The following RASGEF1A variants were observed in gnomAD, a reference collection of about 807,000 sequenced individuals.
The protein encoded by RASGEF1A is ras-GEF domain-containing family member 1A.
In RASGEF1A, 18 loss-of-function variants were observed where a neutral mutation model predicts 56.4. The observed-to-expected ratio is 0.32, with a 90% CI of 0.22 to 0.47. The LOEUF is 0.47. Ranked by LOEUF, RASGEF1A falls within the 20% of genes least tolerant of loss-of-function variation. The pLI, the probability that RASGEF1A is intolerant of heterozygous loss-of-function variation, is 1.00. For missense variants in RASGEF1A, 422 were observed against 627.1 expected (o/e 0.67, Z 3.49); for synonymous variants, 245 against 242.6 (o/e 1.01, Z -0.09).
At position 43,197,114 on chromosome 10, in the gene RASGEF1A, A is replaced by G; in HGVS notation, c.1225-15T>C. On this transcript the variant is annotated splice_polypyrimidine_tract_variant and intron_variant, in intron 10 of 12. Coordinates refer to ENST00000395810, the MANE Select transcript of RASGEF1A (RefSeq NM_145313.4). ...TCCCAGAATTTCTGAAGGGAGCAAA[A>G]CCAACTGATGTTCATCTGTCACCTT... 1 of 1,612,740 alleles carries G rather than the reference A, an allele frequency of 6.2e-7. No individual in the cohort carries two copies. Among genetic ancestry groups the G allele is most frequent in the Non-Finnish European group, 8.5e-7 (1 of 1,179,408 alleles).
In RASGEF1A at chr10:43,196,416, G is replaced by T; in HGVS notation, c.1421+60C>A. 6.4e-7 allele frequency: 1 copy of T among 1,571,100 alleles called. No homozygotes were observed. Among genetic ancestry groups the T allele is most frequent in the Non-Finnish European group, 8.8e-7 (1 of 1,141,190 alleles). On this transcript the variant is annotated intron_variant, in intron 12 of 12. Coordinates refer to ENST00000395810, the MANE Select transcript of RASGEF1A (RefSeq NM_145313.4). This position sits in a 1 kb window ranked among gnomAD's most constrained non-coding sequence, Gnocchi z 4.6. ...CTCCCTTTCCAGGAGGGTAACCCTCGTGCCCACCCTGAGTCCTCCCTCTTC... is the reference window on the plus strand; with the variant it reads ...CTCCCTTTCCAGGAGGGTAACCCTCTTGCCCACCCTGAGTCCTCCCTCTTC...
chr10:43,202,116 C>G (rs565032087), intron 3 of RASGEF1A, among the ~76,000 whole-genome samples, 171 bp from the exon 4 acceptor site: 2 of 152,278 alleles, frequency 1.3e-5, no homozygotes, highest in African/African-American at 4.8e-5. Context: ...CCACATGACT[C>G]CTGTTTGGTT....
At chr10:43,249,062 G>A (rs1840597699) in intron 1 of RASGEF1A, among the ~76,000 whole-genome samples, 1 of 152,114 alleles carries the variant, frequency 6.6e-6, no homozygotes. Context: ...ATCCACGTAG[G>A]GAAGAACTGA....
Position 43,203,342 on chromosome 10 carries a change from T to A in RASGEF1A, c.277A>T (p.Ile93Phe), listed in dbSNP as rs1476499223. The change falls in exon 3 of 13, where the codon ATC becomes TTC. Residue 93 changes from isoleucine to phenylalanine, a missense_variant. Ile to Phe is a conservative substitution (Grantham distance 21). Around this residue, in one of 2 missense-constraint regions of RASGEF1A, gnomAD observed 273 missense variants for 339.9 expected, o/e 0.80. Transcript: ENST00000395810. ...PHDLLARVGQ[I>F]CVEQKQQLEA... ...AGCTGCTGCTTCTGCTCCACGCAGA[T>A]CTGCCCCACGCGGGCCAGCAGGTCA... 1 of 1,581,376 alleles carries A rather than the reference T, an allele frequency of 6.3e-7. No homozygotes were observed.
chr10:43,245,590 C>G (rs970923888), intron 1 of RASGEF1A, among the ~76,000 whole-genome samples: 1 of 152,106 alleles, frequency 6.6e-6, no homozygotes, highest in East Asian at 1.9e-4. Context: ...ATGACTAAGC[C>G]ATACGTATTC....
At chr10:43,258,665 G>A (rs958845260) in intron 1 of RASGEF1A, among the ~76,000 whole-genome samples, 16 of 152,224 alleles carry the variant, frequency 1.1e-4, no homozygotes, top group African/African-American at 3.9e-4. Flanking sequence ...CTGCAGGCTT[G>A]CTGGATGGAT....
At chr10:43,244,225 A>G (rs1209327907) in intron 1 of RASGEF1A, among the ~76,000 whole-genome samples, 5 of 151,946 alleles carry the variant, frequency 3.3e-5, no homozygotes, top group African/African-American at 9.7e-5. Context: ...CCTAATCTCA[A>G]GTACCCAGGG....
At position 43,266,974 on chromosome 10, in the gene RASGEF1A, C is replaced by T. The variant is rs1474690784; in HGVS notation, c.-136G>A. ...CGCGGCACCCGCCCACCCGCGGCCG[C>T]CCCCGCGCTGCGCCAGCTGCGGGCA... On this transcript the variant is annotated 5_prime_UTR_variant, in exon 1 of 13. Transcript: ENST00000395810. 4 of 146,596 alleles carry T rather than the reference C, an allele frequency of 2.7e-5. No individual in the cohort carries two copies. The highest frequency in any genetic ancestry group is 2.1e-4 in the South Asian group (1 of 4,830). The allele number at this position is 146,596 out of a possible 1,614,324, so 9.1% of individuals were successfully genotyped here.
chr10:43,229,935 G>T (rs1840340369), intron 1 of RASGEF1A, among the ~76,000 whole-genome samples: 1 of 151,942 alleles, frequency 6.6e-6, no homozygotes, highest in South Asian at 2.1e-4. Flanking sequence ...GGGCGGCCTG[G>T]AGCGCTGTCA....
intron 1 of RASGEF1A, chr10:43,206,965 T>C: frequency 1.0e-6 from 1 of 985,452 alleles, no homozygotes; most frequent in Non-Finnish European, 1.2e-6. Context: ...CATGGCCCGC[T>C]GTGATGGGGC....
chr10:43,242,490 C>T (rs938396317), intron 1 of RASGEF1A, among the ~76,000 whole-genome samples: 1 of 151,370 alleles, frequency 6.6e-6, no homozygotes, highest in African/African-American at 2.4e-5. Flanking sequence ...AAAAAAAAAT[C>T]GCTCCCTCTC....
intron 1 of RASGEF1A, among the ~76,000 whole-genome samples, chr10:43,248,978 G>T (rs1468963074): frequency 2.0e-5 from 3 of 152,142 alleles, no homozygotes; most frequent in Admixed American, 6.5e-5. Context: ...AGTGGATGGG[G>T]GCTCTGTTGG....
intron 1 of RASGEF1A, chr10:43,229,821 G>A: frequency 9.5e-7 from 1 of 1,056,002 alleles, no homozygotes; most frequent in Non-Finnish European, 1.2e-6. Flanking sequence ...GGGCTGGGCT[G>A]GGGACCGCGG....
intron 1 of RASGEF1A, among the ~76,000 whole-genome samples, chr10:43,216,390 C>T (rs929021207): frequency 3.9e-5 from 6 of 152,242 alleles, no homozygotes; most frequent in African/African-American, 1.4e-4. Context: ...TCCTGGTTTC[C>T]TTGGGGGACC....
chr10:43,219,312 T>A (rs1008952370), intron 1 of RASGEF1A, among the ~76,000 whole-genome samples: 1 of 152,208 alleles, frequency 6.6e-6, no homozygotes, highest in Non-Finnish European at 1.5e-5. Flanking sequence ...TGGGGTCATG[T>A]GCAAACTCAC....
chr10:43,259,655 G>A (rs1436624565), intron 1 of RASGEF1A, among the ~76,000 whole-genome samples: 1 of 152,224 alleles, frequency 6.6e-6, no homozygotes, highest in Admixed American at 6.5e-5. Flanking sequence ...CATGCACTGA[G>A]TCATAGCCCT....
rs540245154 is a variant in RASGEF1A, at chr10:43,243,742, C to T, written c.-7+23103G>A. Reference sequence around the variant, plus strand: ...TGGGAAGTGGGCGCCTCTGCCCGGCCGCCCCATCTGGGAGGTGAGGGGCGT... The same window carrying T: ...TGGGAAGTGGGCGCCTCTGCCCGGCTGCCCCATCTGGGAGGTGAGGGGCGT... On this transcript the variant is annotated intron_variant, in intron 1 of 12. Coordinates refer to ENST00000395810, the MANE Select transcript of RASGEF1A (RefSeq NM_145313.4). Among the ~76,000 whole-genome samples the T allele has an allele frequency of 4.4e-4, 64 of 145,314 alleles. 2 individuals are homozygous for T. The East Asian group carries it at 8.3e-3, about 19-fold the overall frequency.
chr10:43,198,262 C>G, intron 9 of RASGEF1A, 67 bp from the exon 10 acceptor site: 2 of 1,388,052 alleles, frequency 1.4e-6, no homozygotes, highest in South Asian at 2.7e-5. Context: ...TCCAGATGCC[C>G]CTCTGCAGAG....
chr10:43,227,451 C>T (rs1196858837), intron 1 of RASGEF1A, among the ~76,000 whole-genome samples: 1 of 152,220 alleles, frequency 6.6e-6, no homozygotes, highest in East Asian at 1.9e-4. Context: ...CTCTCCTTCC[C>T]CTGGCCTGTG....
Sources: allele counts gnomAD v4.1 joint callset (sites outside exome capture counted in the v4.1 genomes callset), GRCh38; gene constraint gnomAD v4.1.1; regional missense constraint gnomAD v4.1.1; non-coding constraint Gnocchi (gnomAD v3.1); transcripts MANE v1.5; gene names NCBI Gene and HGNC (gene_info 2026-07-23, HGNC 2026-07-21).